Variants in EIF2S3 observed in about 807,000 individuals in gnomAD.
EIF2S3 encodes the protein eukaryotic translation initiation factor 2 subunit 3.
In EIF2S3, 2 loss-of-function variants were observed where a neutral mutation model predicts 31.7. The observed-to-expected ratio is 0.06, with a 90% CI of 0.03 to 0.20. EIF2S3 has a LOEUF of 0.20. EIF2S3 is among the 10% of genes least tolerant of loss of function. EIF2S3 has a pLI of 1.00. For missense variants in EIF2S3, 96 were observed against 359.3 expected (o/e 0.27, Z 5.92); for synonymous variants, 120 against 126.7 (o/e 0.95, Z 0.36).
chrX:24,060,416 A>T, intron 5 of EIF2S3: 2 of 399,005 alleles, frequency 5.0e-6, no homozygotes, highest in South Asian at 8.5e-5. Flanking sequence ...TTTGAGAAAA[A>T]GAAAAAAAGT....
chrX:24,070,472 ACT>A (rs1257210191), intron 9 of EIF2S3, among the ~76,000 whole-genome samples: 1 of 63,012 alleles, frequency 1.6e-5, no homozygotes, highest in African/African-American at 7.0e-5. Flanking sequence ...TGAGAGTCTC[ACT>A]CTGTCGCCCA....
At chrX:24,075,058 TTTCA>T (rs1930733589) in intron 11 of EIF2S3, among the ~76,000 whole-genome samples, 2 of 108,659 alleles carry the variant, frequency 1.8e-5, no homozygotes, top group African/African-American at 6.7e-5. Flanking sequence ...AGAGACGGGG[TTTCA>T]CCACGTTGGC....
chrX:24,064,753 C>CG (rs1372980939), intron 7 of EIF2S3, among the ~76,000 whole-genome samples: 1 of 111,226 alleles, frequency 9.0e-6, no homozygotes, highest in Non-Finnish European at 1.9e-5. Flanking sequence ...GGCGCGAACC[C>CG]GGGAAGCGGA....
Position 24,060,005 on chromosome X carries a change from T to A in EIF2S3, c.384-83T>A. 9.5e-6 allele frequency: 7 copies of A among 736,291 alleles called. No individual in the cohort carries two copies. In the South Asian group the frequency reaches 1.7e-4, roughly 18 times the overall value. 60.7% of individuals were successfully genotyped at this position (736,291 alleles called of 1,213,427 possible). ...TATAGCAATAAGATTATTTCCTAAG[T>A]TGATTTAACTTTAAAAAATCTAAAA... is the stretch of plus-strand genomic sequence containing the variant. On this transcript the variant is annotated intron_variant, in intron 4 of 11. Transcript: ENST00000253039.
At chrX:24,064,566 G>A (rs777896133) in intron 7 of EIF2S3, among the ~76,000 whole-genome samples, 5 of 112,475 alleles carry the variant, frequency 4.4e-5, no homozygotes, top group East Asian at 2.8e-4. Context: ...AGTGGCTCAC[G>A]CCTATAATCC....
At position 24,078,403 on chromosome X, in the gene EIF2S3, A is replaced by C. The variant is rs1702896310; in HGVS notation, c.*1618A>C. On this transcript the variant is annotated 3_prime_UTR_variant, in exon 12 of 12. Coordinates refer to ENST00000253039, the MANE Select transcript of EIF2S3 (RefSeq NM_001415.4). ...CAACTCTTGCTGACGTTGCTGGGGA[A>C]GCTTTAAAAAAAAAAAAGATGCCCC... Among the ~76,000 whole-genome samples the C allele has an allele frequency of 9.1e-6, 1 of 110,136 alleles. No homozygotes were observed. Among genetic ancestry groups the C allele is most frequent in the South Asian group, 3.8e-4 (1 of 2,638 alleles).
rs138550436 is a variant in EIF2S3 at position 24,076,596 on chromosome X, G to A, written c.1356-126G>A. 3.1e-3 allele frequency: 1,850 copies of A among 600,958 alleles called. 22 individuals carry two copies. In the African/African-American group the frequency reaches 0.038, roughly 12 times the overall value. The allele number at this position is 600,958 out of a possible 1,213,427, so 49.5% of individuals were successfully genotyped here. On this transcript the variant is annotated intron_variant, in intron 11 of 11. Coordinates refer to ENST00000253039, the MANE Select transcript of EIF2S3 (RefSeq NM_001415.4). ...GAATATAGTGTGGGCTTTCTTTATG[G>A]AGGAGCAGGCTTTGGGAACAAATTT... is the stretch of plus-strand genomic sequence containing the variant.
At chrX:24,074,859 C>CTTTTT (rs1316212428) in intron 11 of EIF2S3, among the ~76,000 whole-genome samples, 3 of 26,177 alleles carry the variant, frequency 1.1e-4, no homozygotes, top group East Asian at 5.6e-4. Flanking sequence ...TTTTTTTCTT[C>CTTTTT]TTCTTTTTTT....
At chrX:24,060,389 G>T in intron 5 of EIF2S3, 1 of 399,334 alleles carries the variant, frequency 2.5e-6, no homozygotes, top group Non-Finnish European at 4.4e-6. Context: ...TAGCTTGCGA[G>T]AATTCTTGTG....
chrX:24,071,871 G>GT, intron 10 of EIF2S3, 144 bp downstream of exon 10: 1 of 684,809 alleles, frequency 1.5e-6, no homozygotes, highest in Non-Finnish European at 2.1e-6. Context: ...CAAAATTGAG[G>GT]GTTTTTTTTT....
At chrX:24,073,347 G>A (rs372489160) in intron 11 of EIF2S3, 84 bp downstream of exon 11, 7 of 1,076,319 alleles carry the variant, frequency 6.5e-6, no homozygotes, top group Middle Eastern at 2.5e-4. Flanking sequence ...CTTCCTTGAG[G>A]ACAACAGTTA....
intron 3 of EIF2S3, 35 bp downstream of exon 3, chrX:24,057,583 T>G (rs1159342584): frequency 8.3e-7 from 1 of 1,208,459 alleles, no homozygotes; most frequent in East Asian, 3.0e-5. Context: ...AAACTAACTT[T>G]AATTGTTGTG....
In EIF2S3 at chrX:24,076,924, C is replaced by CTTTT. The variant is rs747088489; in HGVS notation, c.*140_*141insTTTT. 1.9e-4 allele frequency: 22 copies of CTTTT among 117,623 alleles called. No individual in the cohort carries two copies. The highest frequency in any genetic ancestry group is 7.2e-4 in the African/African-American group (8 of 11,088). The allele number at this position is 117,623 out of a possible 1,213,427, so 9.7% of individuals were successfully genotyped here. A position where few individuals can be genotyped will look rare whatever the true frequency, so the allele number is the denominator to read the frequency against. On this transcript the variant is annotated 3_prime_UTR_variant, in exon 12 of 12. Transcript: ENST00000253039. ...CTTAGTAGGTAACGGTAAGGTTATT[C>CTTTT]TCTTTTTTTTTTTTTTTTTTTTTGG...
At chrX:24,058,412 CTA>C (rs1163169760) in intron 4 of EIF2S3, among the ~76,000 whole-genome samples, 4 of 111,450 alleles carry the variant, frequency 3.6e-5, no homozygotes, top group East Asian at 2.8e-4. Context: ...AGGGCAGACT[CTA>C]TTACTAAATT....
intron 9 of EIF2S3, among the ~76,000 whole-genome samples, chrX:24,070,439 G>GTT (rs768908773): frequency 0.11 from 5,710 of 50,813 alleles, 1,076 homozygotes; most frequent in African/African-American, 0.3. Context: ...ATCATATGTA[G>GTT]TTTTTTTTTT....
chrX:24,068,982 G>T (rs757892757), intron 9 of EIF2S3, among the ~76,000 whole-genome samples: 1 of 111,921 alleles, frequency 8.9e-6, no homozygotes, highest in Non-Finnish European at 1.9e-5. Context: ...TTAGATTAAA[G>T]AAGAAAATGT....
At chrX:24,071,774 GGAGT>G in intron 10 of EIF2S3, 47 bp downstream of exon 10, 1 of 1,140,413 alleles carries the variant, frequency 8.8e-7, no homozygotes, top group Non-Finnish European at 1.2e-6. Flanking sequence ...GTGACAAATG[GGAGT>G]GTTAAACCAG....
Position 24,074,740 on chromosome X carries a change from G to A in EIF2S3, c.1355+1477G>A, listed in dbSNP as rs185375997. Among the ~76,000 whole-genome samples the A allele has an allele frequency of 2.5e-4, 27 of 109,179 alleles. No individual in the cohort carries two copies. The Admixed American group carries it at 2.6e-3, about 10-fold the overall frequency. The allele number at this position is 109,179 out of a possible 115,157, so 94.8% of individuals were successfully genotyped here. A position where few individuals can be genotyped will look rare whatever the true frequency, so the allele number is the denominator to read the frequency against. On this transcript the variant is annotated intron_variant, in intron 11 of 11. Coordinates refer to ENST00000253039, the MANE Select transcript of EIF2S3 (RefSeq NM_001415.4). The stretch of plus-strand genomic sequence containing the variant: ...CATGGAGTCCTATTTTATTCAACAT[G>A]TTATGATCCATCACTGTCTTCCTTT...
At chrX:24,066,809 C>T (rs1026377953) in intron 8 of EIF2S3, among the ~76,000 whole-genome samples, 11 of 112,263 alleles carry the variant, frequency 9.8e-5, no homozygotes, top group South Asian at 3.6e-4. Context: ...CCACTTTGCC[C>T]GGCCTATATA....
Sources: allele counts gnomAD v4.1 joint callset (sites outside exome capture counted in the v4.1 genomes callset), GRCh38; gene constraint gnomAD v4.1.1; transcripts MANE v1.5; gene names NCBI Gene and HGNC (gene_info 2026-07-23, HGNC 2026-07-21).